The following TRAPPC9 variants were observed in gnomAD, a reference collection of about 807,000 sequenced individuals.
TRAPPC9 encodes the protein trafficking protein particle complex subunit 9.
In TRAPPC9, 83 loss-of-function variants were observed where a neutral mutation model predicts 124.0. The ratio of observed to expected loss-of-function variants is 0.67; its 90% CI spans 0.56 to 0.80. The LOEUF (loss-of-function observed/expected upper bound fraction) is 0.80, where lower values mean the gene tolerates loss of function less well. Among genes scored for constraint, TRAPPC9 ranks in the 30% least tolerant of loss-of-function variants. TRAPPC9 has a pLI of 0.00. For missense variants in TRAPPC9, 1,302 were observed against 1,508.3 expected (o/e 0.86, Z 2.27); for synonymous variants, 638 against 617.5 (o/e 1.03, Z -0.49).
At chr8:140,007,770 A>T (rs1308987938) in intron 18 of TRAPPC9, among the ~76,000 whole-genome samples, 1 of 152,202 alleles carries the variant, frequency 6.6e-6, no homozygotes, top group Non-Finnish European at 1.5e-5. Flanking sequence ...ATCTGTTATT[A>T]TTTTAAAATG....
intron 9 of TRAPPC9, among the ~76,000 whole-genome samples, chr8:140,349,506 G>A (rs1465293583): frequency 6.6e-6 from 1 of 152,098 alleles, no homozygotes; most frequent in Admixed American, 6.5e-5. Flanking sequence ...CCCTGGCAGA[G>A]GTTCCGCTTC....
intron 19 of TRAPPC9, among the ~76,000 whole-genome samples, chr8:139,964,201 G>C (rs1835541671): frequency 6.9e-6 from 1 of 143,958 alleles, no homozygotes; most frequent in African/African-American, 2.6e-5. Context: ...CTCCAGCCTG[G>C]GCGACAGAGC....
chr8:140,001,777 T>C (rs1047512963), intron 18 of TRAPPC9, among the ~76,000 whole-genome samples: 1 of 152,220 alleles, frequency 6.6e-6, no homozygotes. Context: ...CCACTGCTAG[T>C]AGTGATGGAA....
intron 17 of TRAPPC9, among the ~76,000 whole-genome samples, chr8:140,072,187 G>A (rs1036011806): frequency 2.6e-5 from 4 of 152,162 alleles, no homozygotes; most frequent in Non-Finnish European, 4.4e-5. Flanking sequence ...GTACACCAAC[G>A]AGAGTGAACT....
At chr8:139,747,548 G>T (rs563426408) in intron 21 of TRAPPC9, among the ~76,000 whole-genome samples, 8 of 116,470 alleles carry the variant, frequency 6.9e-5, no homozygotes, top group East Asian at 5.8e-4. Flanking sequence ...GAGCAGGTAG[G>T]GGGGGCGTAC....
At chr8:140,205,995 T>G (rs1189866795) in intron 17 of TRAPPC9, among the ~76,000 whole-genome samples, 1 of 152,236 alleles carries the variant, frequency 6.6e-6, no homozygotes, top group Non-Finnish European at 1.5e-5. Context: ...TTCACACATT[T>G]TGTCAGATTT....
At chr8:140,072,657 A>G (rs1843258879) in intron 17 of TRAPPC9, among the ~76,000 whole-genome samples, 1 of 151,866 alleles carries the variant, frequency 6.6e-6, no homozygotes, top group Admixed American at 6.6e-5. Flanking sequence ...CCACAGATAT[A>G]CACTAGGAGA....
intron 19 of TRAPPC9, among the ~76,000 whole-genome samples, chr8:139,986,998 G>A (rs755639294): frequency 6.6e-5 from 10 of 152,180 alleles, no homozygotes; most frequent in African/African-American, 9.7e-5. Context: ...ACAGCATTTC[G>A]TATCAATGGA....
At chr8:140,355,434 C>G (rs1326165334) in intron 9 of TRAPPC9, among the ~76,000 whole-genome samples, 2 of 152,152 alleles carry the variant, frequency 1.3e-5, no homozygotes, top group Non-Finnish European at 2.9e-5. Flanking sequence ...TGTCAGTCAT[C>G]CAAACCGAGA....
chr8:140,180,046 A>C (rs1408014413), intron 17 of TRAPPC9, among the ~76,000 whole-genome samples: 4 of 120,064 alleles, frequency 3.3e-5, no homozygotes, highest in African/African-American at 9.4e-5. Flanking sequence ...CACTATATTG[A>C]AGCTCTTAGG....
At chr8:140,049,397 G>A (rs562302577) in intron 17 of TRAPPC9, among the ~76,000 whole-genome samples, 39 of 152,186 alleles carry the variant, frequency 2.6e-4, no homozygotes, top group African/African-American at 9.4e-4. Context: ...GAAGGGGAGA[G>A]CTCCAAGGTT....
intron 17 of TRAPPC9, among the ~76,000 whole-genome samples, chr8:140,116,728 C>T (rs1052557529): frequency 6.6e-6 from 1 of 152,132 alleles, no homozygotes; most frequent in African/African-American, 2.4e-5. Context: ...CTGGCAGCAG[C>T]GGACAAGCTA....
At chr8:140,294,843 T>A (rs781365374) in intron 11 of TRAPPC9, among the ~76,000 whole-genome samples, 1 of 152,050 alleles carries the variant, frequency 6.6e-6, no homozygotes, top group African/African-American at 2.4e-5. Context: ...ACTCCTGACC[T>A]CAACTAATCC....
intron 7 of TRAPPC9, among the ~76,000 whole-genome samples, chr8:140,394,892 C>G (rs1310684952): frequency 6.6e-6 from 1 of 152,218 alleles, no homozygotes; most frequent in Non-Finnish European, 1.5e-5. Flanking sequence ...GGCTCCGGGG[C>G]AGGGACCACA....
intron 17 of TRAPPC9, among the ~76,000 whole-genome samples, chr8:140,176,024 A>T (rs2062062486): frequency 6.6e-6 from 1 of 152,228 alleles, no homozygotes; most frequent in African/African-American, 2.4e-5. Context: ...GAGACAGGGA[A>T]GGAAACCGTC....
At chr8:140,373,736 C>T (rs1024072612) in intron 7 of TRAPPC9, among the ~76,000 whole-genome samples, 6 of 151,568 alleles carry the variant, frequency 4.0e-5, no homozygotes, top group African/African-American at 9.8e-5. Flanking sequence ...TTATTTTAGA[C>T]GTTGTGGTGG....
chr8:140,284,686 A>G (rs759684382), intron 13 of TRAPPC9, among the ~76,000 whole-genome samples: 1 of 152,206 alleles, frequency 6.6e-6, no homozygotes, highest in Non-Finnish European at 1.5e-5. Context: ...ACAATACCCC[A>G]TGGCTAGATG....
chr8:140,239,276 A>G (rs1478693335), intron 16 of TRAPPC9, among the ~76,000 whole-genome samples: 1 of 152,176 alleles, frequency 6.6e-6, no homozygotes. Context: ...GCTGAGCTGC[A>G]TGAGCACATG....
Position 140,087,357 on chromosome 8 carries a change from G to A in TRAPPC9, c.2557-63278C>T, listed in dbSNP as rs562475353. Among the ~76,000 whole-genome samples, 4 of 152,028 alleles carry A rather than the reference G, an allele frequency of 2.6e-5. No individual in the cohort carries two copies. Among genetic ancestry groups the A allele is most frequent in the African/African-American group, 9.6e-5 (4 of 41,462 alleles). On this transcript the variant is annotated intron_variant, in intron 17 of 22. Coordinates refer to ENST00000438773, the MANE Select transcript of TRAPPC9 (RefSeq NM_001160372.4). The surrounding 1 kb of genome is among the most constrained non-coding windows in gnomAD (Gnocchi z 4.6). ...GTCATCCAGGCCCAGGATTTTAAAC[G>A]CTGCCTCTAAGCTGCTGACTCTCAC...
Sources: gnomAD v4.1 joint callset for allele counts (sites outside exome capture counted in the v4.1 genomes callset) on GRCh38, gnomAD v4.1.1 for gene constraint, Gnocchi (gnomAD v3.1) non-coding constraint, MANE v1.5 for transcripts, NCBI Gene and HGNC (gene_info 2026-07-23, HGNC 2026-07-21) for gene names.